IL1R1: variants seen among roughly 807,000 people sequenced by gnomAD.
IL1R1 encodes the protein interleukin-1 receptor type 1.
Under a neutral mutation model 50.2 loss-of-function variants are expected in IL1R1, and 22 were observed. The observed-to-expected ratio is 0.44, with a 90% CI of 0.31 to 0.63. IL1R1 has a LOEUF of 0.63. Among genes scored for constraint, IL1R1 ranks in the 20% least tolerant of loss-of-function variants. The pLI, the probability that IL1R1 is intolerant of heterozygous loss-of-function variation, is 0.07. For synonymous variants in IL1R1, 251 were observed against 236.7 expected (o/e 1.06, Z -0.55); for missense variants, 509 against 676.2 (o/e 0.75, Z 2.74).
At chr2:102,133,377 G>A (rs539266555) in intron 1 of IL1R1, among the ~76,000 whole-genome samples, 40 of 152,166 alleles carry the variant, frequency 2.6e-4, no homozygotes, top group African/African-American at 8.9e-4. Flanking sequence ...TTGAATAGGA[G>A]TAAATGCTTC....
At chr2:102,151,956 C>A (rs1273537418) in intron 1 of IL1R1, among the ~76,000 whole-genome samples, 2 of 152,112 alleles carry the variant, frequency 1.3e-5, no homozygotes, top group African/African-American at 4.8e-5. Context: ...CGCTGACCCT[C>A]ATCCCAGGGG....
chr2:102,176,723 GA>G lies in IL1R1; in HGVS notation c.1677del (p.Lys559AsnfsTer21), dbSNP rs376163784. The G allele has an allele frequency of 1.3e-3, 2,137 of 1,614,188 alleles. 40 individuals are homozygous for G. In the South Asian group the frequency reaches 0.022, roughly 17 times the overall value. ...AGTTACTGTCACCAGCCACTAAGGA[GA>G]AACTGCAAAGAGAGGCTCACGTGCC... Reference protein sequence around the residue: ...HQLLSPATKEKLQREAHVPLG With the variant: ...HQLLSPATKEXLQREAHVPLG On this transcript the variant is annotated frameshift_variant, in exon 12 of 12. Coordinates refer to ENST00000410023, the MANE Select transcript of IL1R1 (RefSeq NM_000877.4). LOFTEE classifies it high-confidence loss of function.
intron 1 of IL1R1, among the ~76,000 whole-genome samples, chr2:102,118,557 T>G (rs918208403): frequency 6.6e-6 from 1 of 152,072 alleles, no homozygotes; most frequent in Non-Finnish European, 1.5e-5. Flanking sequence ...TGGGGGGCAG[T>G]CTTGTGGGAC....
chr2:102,077,421 T>C (rs961762648), intron 1 of IL1R1, among the ~76,000 whole-genome samples: 15 of 152,238 alleles, frequency 9.9e-5, no homozygotes, highest in African/African-American at 3.6e-4. Flanking sequence ...TAATACAATC[T>C]AATGTGTTTT....
intron 1 of IL1R1, among the ~76,000 whole-genome samples, chr2:102,147,680 T>A (rs945507148): frequency 5.3e-5 from 8 of 150,604 alleles, no homozygotes; most frequent in African/African-American, 2.0e-4. Context: ...AGGCTTGGGG[T>A]AGGTCCATCC....
rs192201440 is a variant in IL1R1, at chr2:102,074,876, T to G, written c.-84+4343T>G. On this transcript the variant is annotated intron_variant, in intron 1 of 11. Transcript: ENST00000409929. Reference sequence around the variant, plus strand: ...CTAAACATTTCTGCATTTCATGAAGTTTTTCAGTGCATCATTTTTATTATC... The same window carrying G: ...CTAAACATTTCTGCATTTCATGAAGGTTTTCAGTGCATCATTTTTATTATC... Among the ~76,000 whole-genome samples the G allele has an allele frequency of 2.6e-5, 4 of 152,258 alleles. No homozygotes were observed. In the East Asian group the frequency reaches 7.7e-4, roughly 29 times the overall value.
intron 1 of IL1R1, among the ~76,000 whole-genome samples, chr2:102,073,968 G>A (rs745583410): frequency 4.6e-5 from 7 of 152,090 alleles, no homozygotes; most frequent in Admixed American, 1.3e-4. Context: ...TATTCCAATC[G>A]AACGTCTCAG....
intron 1 of IL1R1, among the ~76,000 whole-genome samples, chr2:102,106,000 A>G (rs1680390116): frequency 1.3e-5 from 2 of 152,236 alleles, no homozygotes; most frequent in African/African-American, 4.8e-5. Context: ...ACTGAACCTG[A>G]AAGATTAAGG....
rs574186752 is a variant in IL1R1 at position 102,130,882 on chromosome 2, T to G, written c.-83-23059T>G. 5.1e-4 allele frequency among the ~76,000 whole-genome samples: 78 copies of G among 151,800 alleles called. 1 individual carries two copies. The highest frequency in any genetic ancestry group is 1.8e-4 in the Non-Finnish European group (12 of 67,926). ...CTCTACAAAATATGCAAAACCAGGG[T>G]TTTTAAGAATTGGACATCAGCTAAG... On this transcript the variant is annotated intron_variant, in intron 1 of 10. Transcript: ENST00000409329.
chr2:102,108,401 C>T (rs1248465518), intron 1 of IL1R1, among the ~76,000 whole-genome samples: 1 of 152,136 alleles, frequency 6.6e-6, no homozygotes, highest in Non-Finnish European at 1.5e-5. Flanking sequence ...CAGCCATCCT[C>T]CTCCTATTGC....
At chr2:102,131,936 A>G (rs1682055042) in intron 1 of IL1R1, among the ~76,000 whole-genome samples, 1 of 152,174 alleles carries the variant, frequency 6.6e-6, no homozygotes, top group African/African-American at 2.4e-5. Context: ...AAAAAATCTT[A>G]GAAGCCTGAG....
upstream of IL1R1, among the ~76,000 whole-genome samples, chr2:102,141,595 C>A (rs1682648090): frequency 6.6e-6 from 1 of 152,144 alleles, no homozygotes; most frequent in East Asian, 1.9e-4. Context: ...TCATCTTTTC[C>A]TCCAGCCTGG....
chr2:102,111,541 G>A (rs533239909), intron 1 of IL1R1, among the ~76,000 whole-genome samples: 2 of 152,294 alleles, frequency 1.3e-5, no homozygotes, highest in East Asian at 3.9e-4. Flanking sequence ...TGTCCAACCT[G>A]TGCTAAGCCC....
chr2:102,096,031 A>G (rs997764699), intron 1 of IL1R1, among the ~76,000 whole-genome samples: 3 of 152,212 alleles, frequency 2.0e-5, no homozygotes, highest in African/African-American at 7.2e-5. Flanking sequence ...TATAAAAATA[A>G]TGCACTATTC....
At chr2:102,154,569 C>T (rs1203651532) in intron 2 of IL1R1, among the ~76,000 whole-genome samples, 2 of 152,084 alleles carry the variant, frequency 1.3e-5, no homozygotes, top group African/African-American at 2.4e-5. Context: ...CCCCTCTGGC[C>T]CCAAGTGTTC....
chr2:102,161,009 T>C (rs143014832), intron 3 of IL1R1, among the ~76,000 whole-genome samples: 1 of 152,338 alleles, frequency 6.6e-6, no homozygotes, highest in East Asian at 1.9e-4. Flanking sequence ...CTTTGTTCTT[T>C]TTCTAGTTTC....
At chr2:102,102,417 T>C (rs950842667), upstream of IL1R1, among the ~76,000 whole-genome samples, 28 of 152,142 alleles carry the variant, frequency 1.8e-4, no homozygotes, top group African/African-American at 6.3e-4. Context: ...AAAATGGGCC[T>C]AAAGAATTTA....
At position 102,176,939 on chromosome 2, in the gene IL1R1, C is replaced by A. The variant is rs369328573; in HGVS notation, c.*180C>A. ...CCATGACGTCAATAGCAGCCCAGGG[C>A]ACTTCAGAGTAGAGGGCTTGGGAAG... On this transcript the variant is annotated 3_prime_UTR_variant, in exon 12 of 12. Transcript: ENST00000410023. 27 of 630,380 alleles carry A rather than the reference C, an allele frequency of 4.3e-5. 1 individual carries two copies. Among genetic ancestry groups the A allele is most frequent in the African/African-American group, 4.2e-4 (23 of 54,560 alleles). The allele number at this position is 630,380 out of a possible 1,614,324, so 39.0% of individuals were successfully genotyped here.
At chr2:102,172,581 C>T in intron 8 of IL1R1, 106 bp from the exon 9 acceptor site, 1 of 1,099,248 alleles carries the variant, frequency 9.1e-7, no homozygotes, top group Non-Finnish European at 1.2e-6. Flanking sequence ...GTGATTATTT[C>T]AGTGGCAATT....
Sources: gnomAD v4.1 joint callset for allele counts (sites outside exome capture counted in the v4.1 genomes callset) on GRCh38, gnomAD v4.1.1 for gene constraint, MANE v1.5 for transcripts, NCBI Gene and HGNC (gene_info 2026-07-23, HGNC 2026-07-21) for gene names.